Variants in NXPH1 observed in about 807,000 individuals in gnomAD.
The protein encoded by NXPH1 is neurexophilin-1.
NXPH1 carries 5 observed loss-of-function variants against 23.7 expected under a neutral mutation model. That is an observed-to-expected ratio of 0.21 (90% CI 0.11 to 0.44). The LOEUF (loss-of-function observed/expected upper bound fraction) is 0.44. Among genes scored for constraint, NXPH1 ranks in the 20% least tolerant of loss-of-function variants. The probability of loss-of-function intolerance (pLI) is 0.99; values close to 1 mark genes in which losing one functional copy is unlikely to be tolerated. For missense variants in NXPH1, 324 were observed against 321.6 expected, an observed-to-expected ratio of 1.01 and a Z score of -0.06; for synonymous variants, 144 against 122.2, an observed-to-expected ratio of 1.18 and a Z score of -1.18.
intron 2 of NXPH1, among the ~76,000 whole-genome samples, chr7:8,454,257 C>G (rs12155304): frequency 6.6e-6 from 1 of 151,850 alleles, no homozygotes; most frequent in Non-Finnish European, 1.5e-5. Context: ...AGGAATTTGT[C>G]GAATGGAATT....
intron 2 of NXPH1, among the ~76,000 whole-genome samples, chr7:8,703,544 C>A (rs569706431): frequency 8.5e-6 from 1 of 117,618 alleles, no homozygotes; most frequent in South Asian, 2.6e-4. Flanking sequence ...GTCTTGGAAG[C>A]AGTACTGATT....
At chr7:8,678,750 C>G (rs1000956831) in intron 2 of NXPH1, among the ~76,000 whole-genome samples, 2 of 151,530 alleles carry the variant, frequency 1.3e-5, no homozygotes, top group African/African-American at 4.9e-5. Flanking sequence ...GGTTTGTGGT[C>G]TGCACATGAA....
intron 2 of NXPH1, among the ~76,000 whole-genome samples, chr7:8,540,619 G>T (rs968630039): frequency 2.0e-5 from 3 of 151,728 alleles, no homozygotes; most frequent in African/African-American, 7.3e-5. Context: ...CGAAAGGAGA[G>T]AGCTGCTTTT....
At chr7:8,555,534 A>C (rs1201569806) in intron 2 of NXPH1, among the ~76,000 whole-genome samples, 1 of 151,588 alleles carries the variant, frequency 6.6e-6, no homozygotes, top group Non-Finnish European at 1.5e-5. Context: ...CTTGTCTTTG[A>C]GGGCTGGAGA....
intron 2 of NXPH1, among the ~76,000 whole-genome samples, chr7:8,457,960 C>T (rs1816628850): frequency 6.6e-6 from 1 of 152,072 alleles, no homozygotes; most frequent in Non-Finnish European, 1.5e-5. Flanking sequence ...TAGTCACATG[C>T]CAGAGGCAGG....
intron 2 of NXPH1, among the ~76,000 whole-genome samples, chr7:8,589,121 T>C (rs1819038810): frequency 6.6e-6 from 1 of 152,116 alleles, no homozygotes. Flanking sequence ...TTTAGAAATA[T>C]CAAATTTAAC....
chr7:8,697,860 A>G (rs1039750336), intron 2 of NXPH1, among the ~76,000 whole-genome samples: 1 of 152,158 alleles, frequency 6.6e-6, no homozygotes, highest in Non-Finnish European at 1.5e-5. Context: ...GTGTTTGGAG[A>G]GTGGAGCAAG....
intron 2 of NXPH1, among the ~76,000 whole-genome samples, chr7:8,695,010 T>C (rs1186774043): frequency 6.6e-6 from 1 of 152,204 alleles, no homozygotes; most frequent in Non-Finnish European, 1.5e-5. Context: ...TTTAAAAGCA[T>C]TGGATATAAT....
At chr7:8,665,283 T>C (rs1038485007) in intron 2 of NXPH1, among the ~76,000 whole-genome samples, 3 of 152,124 alleles carry the variant, frequency 2.0e-5, no homozygotes, top group Admixed American at 6.6e-5. Context: ...GGGCTGTCCT[T>C]TCCCCATTGT....
intron 2 of NXPH1, among the ~76,000 whole-genome samples, chr7:8,648,780 A>G (rs1820437160): frequency 6.6e-6 from 1 of 152,200 alleles, no homozygotes; most frequent in Non-Finnish European, 1.5e-5. Flanking sequence ...TTTTATTTGT[A>G]TAATTTATCA....
intron 2 of NXPH1, among the ~76,000 whole-genome samples, chr7:8,669,561 T>G (rs979515153): frequency 6.6e-6 from 1 of 152,156 alleles, no homozygotes; most frequent in Non-Finnish European, 1.5e-5. Flanking sequence ...CTTGCCCAGC[T>G]GTGTTTTACT....
At chr7:8,653,782 G>A (rs1820526899) in intron 2 of NXPH1, among the ~76,000 whole-genome samples, 1 of 152,184 alleles carries the variant, frequency 6.6e-6, no homozygotes, top group Admixed American at 6.5e-5. Context: ...GAACTTTTCA[G>A]AGGAGTTTTC....
chr7:8,635,910 T>C (rs571696668), intron 2 of NXPH1, among the ~76,000 whole-genome samples: 157 of 152,224 alleles, frequency 1.0e-3, no homozygotes, highest in African/African-American at 3.7e-3. Context: ...ACCTCCTATT[T>C]ATAGAAAAAA....
At position 8,751,179 on chromosome 7, in the gene NXPH1, T is replaced by C; in HGVS notation, c.226T>C (p.Tyr76His). The C allele has an allele frequency of 6.2e-7, 1 of 1,613,810 alleles. No individual in the cohort carries two copies. The highest frequency in any genetic ancestry group is 8.5e-7 in the Non-Finnish European group (1 of 1,179,808). ...KENDTDLDLR[Y>H]DTPEPYSEQD... is the part of the protein sequence containing the mutation. ...GAATGATACAGATTTGGACCTGAGATATGACACCCCAGAACCTTATTCTGA... is the reference window on the plus strand; with the variant it reads ...GAATGATACAGATTTGGACCTGAGACATGACACCCCAGAACCTTATTCTGA... The change falls in exon 3 of 3, where the codon TAT becomes CAT. Residue 76 changes from tyrosine (Y) to histidine (H), a missense_variant. Tyr to His is a moderately conservative substitution (Grantham distance 83, BLOSUM62 2). Transcript: ENST00000405863. This position sits in a 1 kb window ranked among gnomAD's most constrained non-coding sequence, Gnocchi z 4.5.
intron 2 of NXPH1, among the ~76,000 whole-genome samples, chr7:8,486,272 T>TA (rs1817158453): frequency 6.6e-6 from 1 of 151,952 alleles, no homozygotes; most frequent in African/African-American, 2.4e-5. Context: ...CCTAGAGGAG[T>TA]AGAGCAGAAT....
chr7:8,597,347 C>T lies in NXPH1; in HGVS notation c.55-153661C>T, dbSNP rs938416770. On this transcript the variant is annotated intron_variant, in intron 2 of 2. Coordinates refer to ENST00000405863, the MANE Select transcript of NXPH1 (RefSeq NM_152745.3). The stretch of plus-strand genomic sequence containing the variant: ...AGACGTGGTGGCTGGGAGACCACTT[C>T]GGGTCCAGTGCTAGAATCTAACCAA... Among the ~76,000 whole-genome samples the T allele has an allele frequency of 4.6e-5, 7 of 151,950 alleles. No homozygotes were observed. In the South Asian group the frequency reaches 6.2e-4, roughly 13 times the overall value.
chr7:8,468,006 G>A (rs1384938244), intron 2 of NXPH1, among the ~76,000 whole-genome samples: 1 of 152,084 alleles, frequency 6.6e-6, no homozygotes, highest in Non-Finnish European at 1.5e-5. Flanking sequence ...GCATTTAGTT[G>A]TGAGATAAAT....
At position 8,475,211 on chromosome 7, in the gene NXPH1, G is replaced by C. The variant is rs184571754; in HGVS notation, c.54+39444G>C. 1.9e-3 allele frequency among the ~76,000 whole-genome samples: 287 copies of C among 152,210 alleles called. 4 individuals carry two copies. The South Asian group carries it at 0.021, about 11-fold the overall frequency. ...TCTTGTGTAAAGAGATCAAGGGTGT[G>C]AAGCCTGATTCCCAATCTGGCCTGT... On this transcript the variant is annotated intron_variant, in intron 2 of 2. Coordinates refer to ENST00000405863, the MANE Select transcript of NXPH1 (RefSeq NM_152745.3).
chr7:8,587,626 C>A (rs1400198548), intron 2 of NXPH1, among the ~76,000 whole-genome samples: 1 of 152,066 alleles, frequency 6.6e-6, no homozygotes, highest in African/African-American at 2.4e-5. Flanking sequence ...CTAATGATAT[C>A]CCTCCCCTAG....
Sources: gnomAD v4.1 joint callset for allele counts (sites outside exome capture counted in the v4.1 genomes callset) on GRCh38, gnomAD v4.1.1 for gene constraint, Gnocchi (gnomAD v3.1) non-coding constraint, MANE v1.5 for transcripts, NCBI Gene and HGNC (gene_info 2026-07-23, HGNC 2026-07-21) for gene names.